SLC9B1: variants seen among roughly 807,000 people sequenced by gnomAD.
SLC9B1 encodes sodium/hydrogen exchanger 9B1.
In SLC9B1, 32 loss-of-function variants were observed where a neutral mutation model predicts 51.7. The ratio of observed to expected loss-of-function variants is 0.62; its 90% CI spans 0.47 to 0.83. SLC9B1 has a LOEUF of 0.83. Among genes scored for constraint, SLC9B1 ranks in the 40% least tolerant of loss-of-function variants. The probability of loss-of-function intolerance (pLI) is 0.00; values close to 1 mark genes in which losing one functional copy is unlikely to be tolerated. For missense variants in SLC9B1, 406 were observed against 613.2 expected (o/e 0.66, Z 3.57); for synonymous variants, 145 against 212.7 (o/e 0.68, Z 2.77).
intron 7 of SLC9B1, among the ~76,000 whole-genome samples, chr4:102,916,214 GAC>G (rs1023377117): frequency 2.0e-5 from 3 of 152,064 alleles, no homozygotes; most frequent in African/African-American, 7.2e-5. Context: ...TAGATCTAAA[GAC>G]ACACAAAGGT....
intron 11 of SLC9B1, chr4:102,887,241 T>C: frequency 1.4e-6 from 1 of 719,432 alleles, no homozygotes; most frequent in South Asian, 1.6e-5. Context: ...TGATTTTTTT[T>C]AGCAAGTGAT....
intron 11 of SLC9B1, among the ~76,000 whole-genome samples, chr4:102,895,238 TAAAC>T (rs950324257): frequency 2.0e-5 from 3 of 151,914 alleles, no homozygotes; most frequent in African/African-American, 7.3e-5. Flanking sequence ...TATATGAAAA[TAAAC>T]AATTCAAAGA....
At chr4:102,960,012 A>G (rs1044133275) in intron 3 of SLC9B1, among the ~76,000 whole-genome samples, 13 of 152,084 alleles carry the variant, frequency 8.5e-5, no homozygotes, top group African/African-American at 3.1e-4. Flanking sequence ...TTTTAAAAGA[A>G]AAACAAAACA....
intron 7 of SLC9B1, among the ~76,000 whole-genome samples, chr4:102,921,460 C>T (rs1735873998): frequency 6.6e-6 from 1 of 152,104 alleles, no homozygotes; most frequent in South Asian, 2.1e-4. Flanking sequence ...CAAAAACAGG[C>T]CAAACTGTAA....
In SLC9B1 at chr4:102,892,649, G is replaced by A. The variant is rs561960425; in HGVS notation, c.1333-7321C>T. On this transcript the variant is annotated intron_variant, in intron 11 of 11. Transcript: ENST00000394789. ...TGTGATACTGTTTTCTTAGAACACT[G>A]TTGTCAGATAGATCAGCCATAATGT... 1.5e-4 allele frequency: 23 copies of A among 152,216 alleles called. No homozygotes were observed. The East Asian group carries it at 4.4e-3, about 29-fold the overall frequency. 9.4% of individuals were successfully genotyped at this position (152,216 alleles called of 1,614,324 possible). A position where few individuals can be genotyped will look rare whatever the true frequency, so the allele number is the denominator to read the frequency against.
At chr4:102,903,396 CT>C in intron 11 of SLC9B1, among the ~76,000 whole-genome samples, 1 of 152,266 alleles carries the variant, frequency 6.6e-6, no homozygotes, top group East Asian at 1.9e-4. Context: ...AGAGAGAGTG[CT>C]AAGCACTTTA....
chr4:103,004,314 T>C (rs1228945623), intron 1 of SLC9B1, among the ~76,000 whole-genome samples: 1 of 152,146 alleles, frequency 6.6e-6, no homozygotes, highest in Non-Finnish European at 1.5e-5. Context: ...AACAGCAGAA[T>C]AGACCAAGCT....
chr4:102,885,710 C>G (rs1227081770), intron 11 of SLC9B1, among the ~76,000 whole-genome samples: 1 of 152,062 alleles, frequency 6.6e-6, no homozygotes, highest in African/African-American at 2.4e-5. Flanking sequence ...TGAGAGAGGA[C>G]CTAAGGTTTA....
intron 7 of SLC9B1, among the ~76,000 whole-genome samples, chr4:102,921,282 C>A (rs1735862869): frequency 6.6e-6 from 1 of 152,172 alleles, no homozygotes; most frequent in Non-Finnish European, 1.5e-5. Flanking sequence ...AAAGAATTTT[C>A]AACTCAGAAT....
At chr4:102,980,921 TATA>T (rs1250291659) in intron 3 of SLC9B1, among the ~76,000 whole-genome samples, 2 of 152,218 alleles carry the variant, frequency 1.3e-5, no homozygotes, top group East Asian at 3.8e-4. Context: ...TTAACAAATG[TATA>T]ATGACATATT....
intron 3 of SLC9B1, among the ~76,000 whole-genome samples, chr4:102,949,859 G>A (rs540793964): frequency 1.5e-3 from 222 of 152,188 alleles, no homozygotes; most frequent in African/African-American, 5.0e-3. Flanking sequence ...TACATGGGAG[G>A]CTGGGTCAGG....
At position 102,932,234 on chromosome 4, in the gene SLC9B1, C is replaced by G. The variant is rs753705972; in HGVS notation, c.719G>C (p.Gly240Ala). 1 of 1,611,734 alleles carries G rather than the reference C, an allele frequency of 6.2e-7. No homozygotes were observed. Among genetic ancestry groups the G allele is most frequent in the African/African-American group, 1.3e-5 (1 of 74,860 alleles). ...VPYMMVLQEN[G>A]YGVEEGIPTL... Reference sequence around the variant, plus strand: ...TGGAATGCCTTCCTCAACACCATATCCATTTTCTTGCAGCACCATCATGTA... The same window carrying G: ...TGGAATGCCTTCCTCAACACCATATGCATTTTCTTGCAGCACCATCATGTA... The change falls in exon 7 of 12, where the codon GGA becomes GCA. Residue 240 changes from glycine (G) to alanine (A), a missense_variant. Coordinates refer to ENST00000296422, the MANE Select transcript of SLC9B1 (RefSeq NM_139173.4).
At chr4:102,955,653 G>A (rs1737746257) in intron 3 of SLC9B1, among the ~76,000 whole-genome samples, 1 of 151,908 alleles carries the variant, frequency 6.6e-6, no homozygotes, top group Non-Finnish European at 1.5e-5. Context: ...TTGGGGAAGT[G>A]GAAGACAAGA....
At chr4:103,009,013 T>C (rs2110539379) in intron 1 of SLC9B1, among the ~76,000 whole-genome samples, 1 of 152,140 alleles carries the variant, frequency 6.6e-6, no homozygotes, top group East Asian at 1.9e-4. Context: ...TTAGCCAGGA[T>C]GGTTTTGATC....
At chr4:103,009,788 T>C (rs1193466559) in intron 1 of SLC9B1, among the ~76,000 whole-genome samples, 1 of 152,214 alleles carries the variant, frequency 6.6e-6, no homozygotes, top group Non-Finnish European at 1.5e-5. Flanking sequence ...AGAACTCTTC[T>C]TGAGGTCAGA....
At position 102,943,773 on chromosome 4, in the gene SLC9B1, G is replaced by A. The variant is rs1040542402; in HGVS notation, c.653+1420C>T. 2.6e-4 allele frequency among the ~76,000 whole-genome samples: 39 copies of A among 152,216 alleles called. 1 individual carries two copies. The highest frequency in any genetic ancestry group is 2.1e-4 in the South Asian group (1 of 4,820). On this transcript the variant is annotated intron_variant, in intron 6 of 11. Coordinates refer to ENST00000296422, the MANE Select transcript of SLC9B1 (RefSeq NM_139173.4). ...AGTAGGAGGAGGGTGAGCGATAAAA[G>A]ACTACACCTTGGGTGCAGTGTACAC...
chr4:102,891,365 CAG>C (rs759042390), intron 11 of SLC9B1: 4 of 152,100 alleles, frequency 2.6e-5, no homozygotes, highest in East Asian at 1.9e-4. Context: ...GACAGCAAGT[CAG>C]GGGAACAAAA....
At position 102,905,376 on chromosome 4, in the gene SLC9B1, A is replaced by C. The variant is rs1734993717; in HGVS notation, c.1332+138T>G. 5.1e-6 allele frequency: 5 copies of C among 984,522 alleles called. No homozygotes were observed. In the Admixed American group the frequency reaches 1.2e-4, roughly 24 times the overall value. 61.0% of individuals were successfully genotyped at this position (984,522 alleles called of 1,614,324 possible). ...GCCAGGACTGGTTACGTTAATTTTA[A>C]TGAATAGTTATGATCAATCAAACAT... On this transcript the variant is annotated intron_variant, in intron 11 of 11. Transcript: ENST00000296422.
intron 1 of SLC9B1, among the ~76,000 whole-genome samples, chr4:102,999,092 T>G (rs963345696): frequency 6.6e-6 from 1 of 152,216 alleles, no homozygotes; most frequent in Non-Finnish European, 1.5e-5. Flanking sequence ...AGCCTCAAAG[T>G]GCTGGGATTA....
Sources: allele counts gnomAD v4.1 joint callset (sites outside exome capture counted in the v4.1 genomes callset), GRCh38; gene constraint gnomAD v4.1.1; transcripts MANE v1.5; gene names NCBI Gene and HGNC (gene_info 2026-07-23, HGNC 2026-07-21).